SIL1: variants seen among roughly 807,000 people sequenced by gnomAD.
The protein encoded by SIL1 is nucleotide exchange factor SIL1.
A neutral mutation model predicts 49.1 loss-of-function variants in SIL1; 40 were observed. The observed-to-expected ratio is 0.81, with a 90% confidence interval of 0.63 to 1.06. SIL1 has a LOEUF of 1.06. Ranked by LOEUF, SIL1 falls within the 50% of genes least tolerant of loss-of-function variation. SIL1 has a pLI of 0.00. For missense variants in SIL1, 500 were observed against 572.6 expected (o/e 0.87, Z 1.29); for synonymous variants, 253 against 250.8 (o/e 1.01, Z -0.08).
At chr5:139,066,323 G>A (rs1352416517) in intron 3 of SIL1, among the ~76,000 whole-genome samples, 1 of 151,678 alleles carries the variant, frequency 6.6e-6, no homozygotes, top group Admixed American at 6.6e-5. Context: ...AGTCCTTAAT[G>A]CCATCTCTTT....
At chr5:139,020,167 CAG>C (rs1208199261) in intron 7 of SIL1, among the ~76,000 whole-genome samples, 1 of 152,186 alleles carries the variant, frequency 6.6e-6, no homozygotes, top group Non-Finnish European at 1.5e-5. Context: ...AAGATCCAGG[CAG>C]AGTGGTGATA....
chr5:139,021,347 T>C (rs1053348965), intron 6 of SIL1, 55 bp from the exon 7 acceptor site: 22 of 1,606,240 alleles, frequency 1.4e-5, no homozygotes, highest in Non-Finnish European at 1.9e-5. Context: ...GGAAAGCTGT[T>C]CTTAGAGCCT....
At position 139,025,086 on chromosome 5, in the gene SIL1, A is replaced by T. The variant is rs574782312; in HGVS notation, c.645+1715T>A. Among the ~76,000 whole-genome samples, 10 of 152,296 alleles carry T rather than the reference A, an allele frequency of 6.6e-5. No homozygotes were observed. The South Asian group carries it at 2.1e-3, about 32-fold the overall frequency. On this transcript the variant is annotated intron_variant, in intron 6 of 9. Transcript: ENST00000394817. ...AATTACTTCTTTCTTATGCTTGTCT[A>T]TCTGCTTCTGCTAGAAGGTTAAGCC...
At chr5:139,018,175 T>C (rs1333549350) in intron 7 of SIL1, among the ~76,000 whole-genome samples, 1 of 152,236 alleles carries the variant, frequency 6.6e-6, no homozygotes, top group East Asian at 1.9e-4. Context: ...CTCTTCTCGA[T>C]CTTGGAATAA....
chr5:139,143,913 G>A (rs986251472), intron 1 of SIL1, among the ~76,000 whole-genome samples: 1 of 152,080 alleles, frequency 6.6e-6, no homozygotes, highest in African/African-American at 2.4e-5. Context: ...ACTACAAAAC[G>A]CTGCTGAAGA....
In SIL1 at chr5:139,044,108, T is replaced by C. The variant is rs186317791; in HGVS notation, c.354-1389A>G. On this transcript the variant is annotated intron_variant, in intron 4 of 9. Transcript: ENST00000394817. ...ACCTCAGTCCTCCTAAACTAATTAATAATAGCTAGTAACTCATTTATTGAG... is the reference window on the plus strand; with the variant it reads ...ACCTCAGTCCTCCTAAACTAATTAACAATAGCTAGTAACTCATTTATTGAG... 1.4e-3 allele frequency among the ~76,000 whole-genome samples: 206 copies of C among 152,282 alleles called. 4 individuals carry two copies. The highest frequency in any genetic ancestry group is 6.2e-4 in the South Asian group (3 of 4,812).
chr5:139,089,761 A>G (rs1770302554), intron 3 of SIL1, among the ~76,000 whole-genome samples: 1 of 152,218 alleles, frequency 6.6e-6, no homozygotes, highest in African/African-American at 2.4e-5. Context: ...GTAGATCCAT[A>G]AAGACAGAAA....
At chr5:139,108,645 C>G (rs979714250) in intron 3 of SIL1, among the ~76,000 whole-genome samples, 6 of 152,218 alleles carry the variant, frequency 3.9e-5, no homozygotes, top group Non-Finnish European at 7.3e-5. Flanking sequence ...AATCCCCTCT[C>G]TGGCAACGCT....
At chr5:139,029,473 A>G (rs1282853796) in intron 5 of SIL1, among the ~76,000 whole-genome samples, 1 of 152,168 alleles carries the variant, frequency 6.6e-6, no homozygotes, top group Non-Finnish European at 1.5e-5. Flanking sequence ...ATGTATGATA[A>G]TTAGCCAAGA....
intron 3 of SIL1, among the ~76,000 whole-genome samples, chr5:139,064,391 G>A (rs1412056035): frequency 6.6e-6 from 1 of 152,194 alleles, no homozygotes; most frequent in Non-Finnish European, 1.5e-5. Context: ...AGGTGAAAAT[G>A]ACAATCAGAG....
At chr5:139,172,407 G>A (rs1347213625) in intron 1 of SIL1, among the ~76,000 whole-genome samples, 2 of 152,184 alleles carry the variant, frequency 1.3e-5, no homozygotes, top group East Asian at 1.9e-4. Flanking sequence ...GCTGAGGCAG[G>A]CAAATCATGA....
chr5:139,056,462 C>T (rs1296198677), intron 3 of SIL1, among the ~76,000 whole-genome samples: 2 of 149,022 alleles, frequency 1.3e-5, no homozygotes, highest in African/African-American at 2.5e-5. Context: ...AAGTGAGGAG[C>T]GTCTCCGCCC....
intron 7 of SIL1, among the ~76,000 whole-genome samples, chr5:138,971,819 G>A (rs1204544225): frequency 6.6e-6 from 1 of 152,164 alleles, no homozygotes; most frequent in Non-Finnish European, 1.5e-5. Flanking sequence ...GCTCACAGTG[G>A]GGCTCTCCCC....
intron 4 of SIL1, among the ~76,000 whole-genome samples, chr5:139,043,766 T>C (rs550485418): frequency 6.6e-6 from 1 of 152,386 alleles, no homozygotes; most frequent in South Asian, 2.1e-4. Flanking sequence ...AGCAAGGTTT[T>C]ACCACTAGCA....
At chr5:138,991,493 ATT>A (rs1181934073) in intron 7 of SIL1, among the ~76,000 whole-genome samples, 1 of 152,164 alleles carries the variant, frequency 6.6e-6, no homozygotes, top group African/African-American at 2.4e-5. Flanking sequence ...TTCATTCCAC[ATT>A]TTGCACACAT....
At chr5:139,011,209 G>A (rs570998847) in intron 7 of SIL1, among the ~76,000 whole-genome samples, 80 of 151,366 alleles carry the variant, frequency 5.3e-4, no homozygotes, top group Admixed American at 9.9e-4. Flanking sequence ...ATATTCGGGT[G>A]GGAGTGACCC....
At chr5:139,083,998 C>T (rs1177833846) in intron 3 of SIL1, among the ~76,000 whole-genome samples, 204 of 121,206 alleles carry the variant, frequency 1.7e-3, no homozygotes, top group African/African-American at 6.2e-3. Context: ...TGTAGATATG[C>T]GGCATTATTT....
chr5:139,118,145 C>T (rs749356569), intron 3 of SIL1, among the ~76,000 whole-genome samples: 36 of 152,190 alleles, frequency 2.4e-4, no homozygotes, highest in Non-Finnish European at 4.3e-4. Context: ...TCTGCTAACC[C>T]CTTTTGCTCG....
chr5:139,018,774 T>A (rs570053097), intron 7 of SIL1, among the ~76,000 whole-genome samples: 1 of 152,194 alleles, frequency 6.6e-6, no homozygotes, highest in Non-Finnish European at 1.5e-5. Context: ...ATTGATACCA[T>A]CTTGTCACTG....
Sources: allele counts gnomAD v4.1 joint callset (sites outside exome capture counted in the v4.1 genomes callset), GRCh38; gene constraint gnomAD v4.1.1; transcripts MANE v1.5; gene names NCBI Gene and HGNC (gene_info 2026-07-23, HGNC 2026-07-21).